The following ATP8A1 variants were observed in gnomAD, a reference collection of about 807,000 sequenced individuals.
ATP8A1 encodes ATPase phospholipid transporting 8A1, also known as phospholipid-transporting ATPase IA.
ATP8A1 carries 90 observed loss-of-function variants against 177.7 expected under a neutral mutation model. That is an observed-to-expected ratio of 0.51 (90% CI 0.43 to 0.60). The LOEUF (loss-of-function observed/expected upper bound fraction) is 0.60, where lower values mean the gene tolerates loss of function less well. ATP8A1 is among the 20% of genes least tolerant of loss of function. The probability of loss-of-function intolerance (pLI) is 0.00; values close to 1 mark genes in which losing one functional copy is unlikely to be tolerated. For missense variants in ATP8A1, 1,072 were observed against 1,392.8 expected (o/e 0.77, Z 3.67); for synonymous variants, 493 against 485.9 (o/e 1.01, Z -0.19).
intron 23 of ATP8A1, among the ~76,000 whole-genome samples, chr4:42,503,889 G>A (rs902896138): frequency 1.3e-5 from 2 of 152,142 alleles, no homozygotes; most frequent in African/African-American, 4.8e-5. Context: ...AGACACCTAG[G>A]GAAGGTGCAG....
At chr4:42,429,948 G>A (rs185453440) in intron 33 of ATP8A1, among the ~76,000 whole-genome samples, 1 of 152,302 alleles carries the variant, frequency 6.6e-6, no homozygotes, top group Non-Finnish European at 1.5e-5. Flanking sequence ...AAGCCCAATG[G>A]TGACTGCTAG....
intron 20 of ATP8A1, among the ~76,000 whole-genome samples, chr4:42,528,195 A>G (rs1241123821): frequency 1.3e-5 from 2 of 152,204 alleles, no homozygotes; most frequent in African/African-American, 4.8e-5. Flanking sequence ...GCCAGAATGC[A>G]TAATTGGCAT....
intron 1 of ATP8A1, chr4:42,637,224 G>A (rs1739485735): frequency 1.9e-6 from 1 of 518,642 alleles, no homozygotes; most frequent in Admixed American, 1.9e-5. Flanking sequence ...AGAATAAGCA[G>A]GCTACCTGGA....
At chr4:42,596,480 G>C (rs541154533) in intron 6 of ATP8A1, among the ~76,000 whole-genome samples, 1 of 151,892 alleles carries the variant, frequency 6.6e-6, no homozygotes, top group East Asian at 1.9e-4. Context: ...GACCAGCCTG[G>C]CCAATATGGC....
chr4:42,432,037 T>C (rs1416735728), intron 33 of ATP8A1, among the ~76,000 whole-genome samples: 3 of 152,220 alleles, frequency 2.0e-5, no homozygotes, highest in East Asian at 3.8e-4. Context: ...TAGCGAGGTA[T>C]CTCTTCGGAG....
chr4:42,650,494 C>T (rs1039100604), intron 1 of ATP8A1, among the ~76,000 whole-genome samples: 21 of 152,174 alleles, frequency 1.4e-4, no homozygotes, highest in Non-Finnish European at 1.0e-4. Context: ...AAACCTTAGT[C>T]ATCTTTTACC....
intron 5 of ATP8A1, among the ~76,000 whole-genome samples, chr4:42,610,087 A>G (rs1235350722): frequency 6.6e-6 from 1 of 151,928 alleles, no homozygotes; most frequent in Non-Finnish European, 1.5e-5. Context: ...TCTGCTTACC[A>G]AAGTTCCACT....
chr4:42,490,842 C>T (rs1351304885), intron 24 of ATP8A1, among the ~76,000 whole-genome samples: 4 of 152,180 alleles, frequency 2.6e-5, no homozygotes, highest in Non-Finnish European at 5.9e-5. Context: ...CCCTGAAATA[C>T]TTCATTTACA....
chr4:42,551,465 T>G (rs78086521), intron 17 of ATP8A1, among the ~76,000 whole-genome samples, 185 bp from the exon 18 acceptor site: 227 of 152,320 alleles, frequency 1.5e-3, no homozygotes, highest in African/African-American at 5.3e-3. Context: ...ATAATAATCT[T>G]AAGTGTTGGA....
chr4:42,465,774 T>C (rs1479528473), intron 25 of ATP8A1, among the ~76,000 whole-genome samples: 1 of 152,216 alleles, frequency 6.6e-6, no homozygotes, highest in African/African-American at 2.4e-5. Flanking sequence ...GGCTCATGCC[T>C]GTAATCCCAG....
chr4:42,472,573 C>G (rs1720553514), intron 25 of ATP8A1, among the ~76,000 whole-genome samples: 1 of 151,864 alleles, frequency 6.6e-6, no homozygotes, highest in Non-Finnish European at 1.5e-5. Flanking sequence ...ATACCTGTCT[C>G]TACTAAAAAT....
At chr4:42,537,657 T>C (rs899702465) in intron 20 of ATP8A1, among the ~76,000 whole-genome samples, 3 of 152,106 alleles carry the variant, frequency 2.0e-5, no homozygotes, top group African/African-American at 7.2e-5. Flanking sequence ...CAACCCCTTT[T>C]ACAATAGCTG....
intron 20 of ATP8A1, among the ~76,000 whole-genome samples, chr4:42,538,543 C>G (rs754178723): frequency 3.3e-5 from 5 of 152,078 alleles, no homozygotes; most frequent in Non-Finnish European, 5.9e-5. Context: ...GAATCTACAA[C>G]AAACTCAAAT....
intron 15 of ATP8A1, among the ~76,000 whole-genome samples, chr4:42,561,113 T>C (rs1311513629): frequency 6.6e-6 from 1 of 152,068 alleles, no homozygotes; most frequent in Non-Finnish European, 1.5e-5. Context: ...TGAGTATTGG[T>C]TTGGGAGTGA....
intron 20 of ATP8A1, among the ~76,000 whole-genome samples, chr4:42,535,137 T>A (rs1447332899): frequency 1.3e-5 from 2 of 152,064 alleles, no homozygotes; most frequent in Non-Finnish European, 2.9e-5. Context: ...GTATGATGAA[T>A]AGAATAGAAC....
chr4:42,522,321 AC>A (rs1460810129), intron 21 of ATP8A1, 22 bp from the exon 22 acceptor site: 8 of 1,603,252 alleles, frequency 5.0e-6, no homozygotes, highest in Admixed American at 1.8e-5. Flanking sequence ...AGCATACATC[AC>A]CCCAACACAC....
At chr4:42,473,794 C>T (rs535500381) in intron 25 of ATP8A1, among the ~76,000 whole-genome samples, 3 of 150,582 alleles carry the variant, frequency 2.0e-5, no homozygotes, top group East Asian at 4.0e-4. Context: ...TAAAAATGTA[C>T]GCCACCATGC....
chr4:42,582,739 G>C (rs572340234), intron 9 of ATP8A1, among the ~76,000 whole-genome samples: 1 of 152,128 alleles, frequency 6.6e-6, no homozygotes, highest in African/African-American at 2.4e-5. Flanking sequence ...TTTTGGAGCT[G>C]TTCATTCCTT....
chr4:42,467,450 T>C (rs949733640), intron 25 of ATP8A1, among the ~76,000 whole-genome samples: 3 of 152,032 alleles, frequency 2.0e-5, no homozygotes, highest in African/African-American at 4.8e-5. Context: ...TTCCAGCACT[T>C]TGGGAGGCTG....
Sources: gnomAD v4.1 joint callset for allele counts (sites outside exome capture counted in the v4.1 genomes callset) on GRCh38, gnomAD v4.1.1 for gene constraint, MANE v1.5 for transcripts, NCBI Gene and HGNC (gene_info 2026-07-23, HGNC 2026-07-21) for gene names.